ULK4: variants seen among roughly 807,000 people sequenced by gnomAD.
The protein encoded by ULK4 is unc-51 like kinase 4, also known as inactive serine/threonine-protein kinase ULK4.
In ULK4, 133 loss-of-function variants were observed where a neutral mutation model predicts 160.6. That is an observed-to-expected ratio of 0.83 (90% CI 0.72 to 0.96). ULK4 has a LOEUF of 0.96. Ranked by LOEUF, ULK4 falls within the 40% of genes least tolerant of loss-of-function variation. The probability of loss-of-function intolerance (pLI) is 0.00; values close to 1 mark genes in which losing one functional copy is unlikely to be tolerated. For missense variants in ULK4, 1,580 were observed against 1,499.5 expected, an observed-to-expected ratio of 1.05 and a Z score of -0.89; for synonymous variants, 534 against 539.8, an observed-to-expected ratio of 0.99 and a Z score of 0.15.
At chr3:41,417,576 T>C (rs954604722) in intron 34 of ULK4, among the ~76,000 whole-genome samples, 4 of 152,130 alleles carry the variant, frequency 2.6e-5, no homozygotes, top group African/African-American at 9.7e-5. Context: ...TAACTGATTG[T>C]ACTTAATGCA....
chr3:41,496,740 C>T (rs1201702504), intron 32 of ULK4, among the ~76,000 whole-genome samples: 1 of 152,146 alleles, frequency 6.6e-6, no homozygotes, highest in African/African-American at 2.4e-5. Context: ...TTGCACAGAT[C>T]TGGCAGTCAA....
At chr3:41,953,812 C>G (rs1285591171) in intron 2 of ULK4, among the ~76,000 whole-genome samples, 2 of 152,098 alleles carry the variant, frequency 1.3e-5, no homozygotes, top group Admixed American at 1.3e-4. Context: ...CTTCGGGAGG[C>G]TGAGGCAGGC....
intron 17 of ULK4, among the ~76,000 whole-genome samples, chr3:41,871,686 G>C (rs551257845): frequency 2.0e-5 from 3 of 152,126 alleles, no homozygotes; most frequent in Admixed American, 6.5e-5. Context: ...TTTTCTAATC[G>C]AATATTTTTT....
At chr3:41,765,870 T>C (rs2039145020) in intron 21 of ULK4, among the ~76,000 whole-genome samples, 1 of 152,024 alleles carries the variant, frequency 6.6e-6, no homozygotes, top group African/African-American at 2.4e-5. Context: ...AACAACAAAA[T>C]GATATGAACA....
intron 31 of ULK4, among the ~76,000 whole-genome samples, chr3:41,579,136 G>C (rs1442862067): frequency 6.6e-6 from 1 of 152,198 alleles, no homozygotes; most frequent in Non-Finnish European, 1.5e-5. Context: ...TGAGGAAATG[G>C]GAAAGAGGGA....
chr3:41,496,903 G>T (rs745615879), intron 32 of ULK4, among the ~76,000 whole-genome samples: 6 of 151,962 alleles, frequency 3.9e-5, no homozygotes, highest in Non-Finnish European at 7.4e-5. Flanking sequence ...AGTAAATTAA[G>T]TAACACCCAG....
intron 32 of ULK4, among the ~76,000 whole-genome samples, chr3:41,563,237 C>A (rs1480948193): frequency 1.3e-5 from 2 of 152,198 alleles, no homozygotes; most frequent in East Asian, 3.8e-4. Flanking sequence ...TGCTGTTAGT[C>A]TTTGGGCTTA....
intron 22 of ULK4, among the ~76,000 whole-genome samples, chr3:41,738,346 G>C (rs1202261189): frequency 6.6e-6 from 1 of 151,662 alleles, no homozygotes; most frequent in South Asian, 2.1e-4. Flanking sequence ...TTTTTTCTCC[G>C]TTTCAATTTA....
intron 35 of ULK4, among the ~76,000 whole-genome samples, chr3:41,277,153 C>G (rs1014546450): frequency 3.3e-5 from 5 of 152,112 alleles, no homozygotes; most frequent in African/African-American, 1.2e-4. Flanking sequence ...GAATTCACAG[C>G]AGACTTCTAT....
chr3:41,308,082 G>A (rs1156649836), intron 35 of ULK4, among the ~76,000 whole-genome samples: 2 of 152,116 alleles, frequency 1.3e-5, no homozygotes, highest in Admixed American at 6.5e-5. Flanking sequence ...AGGGACAGCC[G>A]AGGAAGCTTG....
chr3:41,552,389 G>T (rs2087105722), intron 32 of ULK4, among the ~76,000 whole-genome samples: 2 of 151,742 alleles, frequency 1.3e-5, no homozygotes, highest in South Asian at 4.2e-4. Context: ...AAACCTCTTG[G>T]ATCTGATAAA....
chr3:41,926,292 A>G (rs1487557825), intron 5 of ULK4, among the ~76,000 whole-genome samples: 1 of 152,204 alleles, frequency 6.6e-6, no homozygotes, highest in African/African-American at 2.4e-5. Flanking sequence ...ACAGAAAAGA[A>G]TAGCATCAAT....
intron 31 of ULK4, among the ~76,000 whole-genome samples, chr3:41,586,187 G>A (rs772122502): frequency 6.6e-6 from 1 of 152,174 alleles, no homozygotes; most frequent in Non-Finnish European, 1.5e-5. Flanking sequence ...CTCAAAGAGA[G>A]AATTGCCCAT....
intron 30 of ULK4, among the ~76,000 whole-genome samples, chr3:41,661,431 A>G (rs1041843310): frequency 3.3e-5 from 5 of 150,594 alleles, no homozygotes; most frequent in African/African-American, 1.3e-4. Flanking sequence ...ATATACACAT[A>G]TGTGTGTGTA....
chr3:41,773,847 CA>C (rs1162292163), intron 21 of ULK4, among the ~76,000 whole-genome samples: 1 of 152,180 alleles, frequency 6.6e-6, no homozygotes, highest in African/African-American at 2.4e-5. Context: ...GTAACCAAAA[CA>C]GCATGGTACT....
intron 22 of ULK4, among the ~76,000 whole-genome samples, chr3:41,748,234 C>A (rs1364655120): frequency 6.6e-6 from 1 of 150,664 alleles, no homozygotes; most frequent in Non-Finnish European, 1.5e-5. Context: ...TATATATACA[C>A]ACACACACCA....
intron 31 of ULK4, among the ~76,000 whole-genome samples, chr3:41,603,662 C>T (rs972002759): frequency 6.6e-6 from 1 of 151,656 alleles, no homozygotes; most frequent in Non-Finnish European, 1.5e-5. Context: ...ACACATTGTA[C>T]CAGTGCAGAT....
chr3:41,912,294 A>G (rs1160230347), intron 9 of ULK4, among the ~76,000 whole-genome samples: 1 of 141,700 alleles, frequency 7.1e-6, no homozygotes, highest in Non-Finnish European at 1.5e-5. Context: ...GTACCACTAC[A>G]CTCCTGCCTA....
At chr3:41,946,214 A>G (rs1294935986) in intron 2 of ULK4, among the ~76,000 whole-genome samples, 1 of 152,242 alleles carries the variant, frequency 6.6e-6, no homozygotes, top group Non-Finnish European at 1.5e-5. Context: ...TTTTAGTAAT[A>G]AAGGAATAAC....
Sources: allele counts gnomAD v4.1 joint callset (sites outside exome capture counted in the v4.1 genomes callset), GRCh38; gene constraint gnomAD v4.1.1; transcripts MANE v1.5; gene names NCBI Gene and HGNC (gene_info 2026-07-23, HGNC 2026-07-21).